NELL1: variants seen among roughly 807,000 people sequenced by gnomAD.
NELL1 encodes the protein neural EGFL like 1.
In NELL1, 76 loss-of-function variants were observed where a neutral mutation model predicts 107.4. The ratio of observed to expected loss-of-function variants is 0.71; its 90% confidence interval spans 0.59 to 0.86. The LOEUF (loss-of-function observed/expected upper bound fraction) is 0.86, where lower values mean the gene tolerates loss of function less well. Among genes scored for constraint, NELL1 ranks in the 40% least tolerant of loss-of-function variants. NELL1 has a pLI of 0.00. For synonymous variants in NELL1, 353 were observed against 341.2 expected, an observed-to-expected ratio of 1.03 and a Z score of -0.38; for missense variants, 1,024 against 1,005.5, an observed-to-expected ratio of 1.02 and a Z score of -0.25.
At chr11:20,813,315 C>A (rs540043572) in intron 3 of NELL1, among the ~76,000 whole-genome samples, 1 of 152,106 alleles carries the variant, frequency 6.6e-6, no homozygotes, top group African/African-American at 2.4e-5. Context: ...ATCATGGAAT[C>A]CTTGGGATGT....
chr11:21,294,603 C>T (rs575595959), intron 14 of NELL1, among the ~76,000 whole-genome samples: 7 of 151,986 alleles, frequency 4.6e-5, no homozygotes, highest in South Asian at 2.1e-4. Flanking sequence ...TATTTATTTT[C>T]GTATCGACCT....
intron 15 of NELL1, among the ~76,000 whole-genome samples, chr11:21,374,592 T>A (rs1037259659): frequency 5.3e-5 from 8 of 152,056 alleles, no homozygotes; most frequent in African/African-American, 1.9e-4. Flanking sequence ...GAGAGAGGAA[T>A]GAGGCACCAC....
chr11:20,687,058 T>TC (rs1854324351), intron 2 of NELL1, among the ~76,000 whole-genome samples: 1 of 150,506 alleles, frequency 6.6e-6, no homozygotes, highest in Non-Finnish European at 1.5e-5. Context: ...TTTTTTTTTT[T>TC]CAAATTTTTA....
At chr11:20,810,417 A>T (rs1001547448) in intron 3 of NELL1, among the ~76,000 whole-genome samples, 5 of 152,114 alleles carry the variant, frequency 3.3e-5, no homozygotes, top group Non-Finnish European at 7.3e-5. Context: ...TATTATTCTT[A>T]TGCCTTTGCA....
intron 4 of NELL1, among the ~76,000 whole-genome samples, chr11:20,851,587 G>A (rs181136660): frequency 5.3e-5 from 8 of 152,206 alleles, no homozygotes; most frequent in African/African-American, 1.7e-4. Context: ...TTACTCAAAG[G>A]ACAGAATCCA....
At chr11:21,410,365 T>G (rs1276259267) in intron 15 of NELL1, among the ~76,000 whole-genome samples, 1 of 152,064 alleles carries the variant, frequency 6.6e-6, no homozygotes, top group Non-Finnish European at 1.5e-5. Flanking sequence ...CTGAGTAAAT[T>G]TCAAGTTCCA....
intron 12 of NELL1, among the ~76,000 whole-genome samples, chr11:20,969,563 G>T (rs1851453308): frequency 6.6e-6 from 1 of 152,090 alleles, no homozygotes. Context: ...CTGCCTGGGA[G>T]TTGGTCTTGG....
Position 21,566,859 on chromosome 11 carries a change from T to C in NELL1, c.1981-3905T>C, listed in dbSNP as rs79359490. On this transcript the variant is annotated intron_variant, in intron 17 of 19. Coordinates refer to ENST00000357134, the MANE Select transcript of NELL1 (RefSeq NM_006157.5). ...ATTTTCTTGACAGTTACCCTGTAAT[T>C]CAAAGGCAAAGTGAACATTGCCATT... 9.1e-3 allele frequency among the ~76,000 whole-genome samples: 1,389 copies of C among 152,002 alleles called. 25 individuals are homozygous for C. Among genetic ancestry groups the C allele is most frequent in the African/African-American group, 0.032 (1,338 of 41,518 alleles).
chr11:21,507,498 T>TA (rs1855310888), intron 15 of NELL1, among the ~76,000 whole-genome samples: 1 of 152,150 alleles, frequency 6.6e-6, no homozygotes, highest in African/African-American at 2.4e-5. Context: ...TCCAAGCCTT[T>TA]AGAAAATGGA....
chr11:21,552,813 G>T (rs1195780523), intron 16 of NELL1, among the ~76,000 whole-genome samples: 1 of 151,760 alleles, frequency 6.6e-6, no homozygotes, highest in Non-Finnish European at 1.5e-5. Flanking sequence ...TGCAGATGCT[G>T]CCCTTCTTGG....
intron 13 of NELL1, among the ~76,000 whole-genome samples, chr11:21,180,854 C>T (rs1856811847): frequency 6.7e-6 from 1 of 149,930 alleles, no homozygotes; most frequent in African/African-American, 2.5e-5. Context: ...CCATGGATTT[C>T]CTTAATATCT....
At chr11:21,182,829 T>C (rs1020482749) in intron 13 of NELL1, among the ~76,000 whole-genome samples, 1 of 151,786 alleles carries the variant, frequency 6.6e-6, no homozygotes, top group Non-Finnish European at 1.5e-5. Flanking sequence ...CCATAAACAT[T>C]GCTCTTCAAA....
At chr11:20,809,156 G>T (rs1857447621) in intron 3 of NELL1, among the ~76,000 whole-genome samples, 3 of 152,168 alleles carry the variant, frequency 2.0e-5, no homozygotes, top group Admixed American at 2.0e-4. Context: ...GGGTTTGGGT[G>T]TTGGTGAAGT....
rs553327322 is a variant in NELL1 at position 21,526,531 on chromosome 11, CCT to C, written c.1646-7842_1646-7841del. Reference sequence around the variant, plus strand: ...TATGGGGGCTCCAATCCCACATTTTCCTTTTTTACTGCCCTAGCAGAGGTTCT... The same window carrying C: ...TATGGGGGCTCCAATCCCACATTTTCTTTTTACTGCCCTAGCAGAGGTTCT... On this transcript the variant is annotated intron_variant, in intron 15 of 19. Coordinates refer to ENST00000357134, the MANE Select transcript of NELL1 (RefSeq NM_006157.5). 1.6e-3 allele frequency among the ~76,000 whole-genome samples: 239 copies of C among 152,308 alleles called. 2 individuals are homozygous for C. Among genetic ancestry groups the C allele is most frequent in the African/African-American group, 5.4e-3 (225 of 41,570 alleles).
intron 12 of NELL1, among the ~76,000 whole-genome samples, chr11:21,013,465 G>A (rs1285387999): frequency 6.6e-6 from 1 of 152,108 alleles, no homozygotes; most frequent in Admixed American, 6.6e-5. Flanking sequence ...CTATGGACAA[G>A]GCATCCAAGG....
chr11:21,487,377 G>C (rs1411037175), intron 15 of NELL1, among the ~76,000 whole-genome samples: 2 of 152,134 alleles, frequency 1.3e-5, no homozygotes, highest in African/African-American at 4.8e-5. Flanking sequence ...ATAAGTGAGG[G>C]ATAAAGTCTT....
chr11:21,516,794 C>A (rs1047286438), intron 15 of NELL1, among the ~76,000 whole-genome samples: 1 of 150,628 alleles, frequency 6.6e-6, no homozygotes. Context: ...ATATATCTAG[C>A]GATTTGGCAT....
chr11:21,201,271 TG>T (rs1466619455), intron 13 of NELL1, among the ~76,000 whole-genome samples: 2 of 152,172 alleles, frequency 1.3e-5, no homozygotes, highest in Non-Finnish European at 2.9e-5. Context: ...GACCATGAAA[TG>T]TTTTCCATTA....
intron 13 of NELL1, among the ~76,000 whole-genome samples, chr11:21,138,974 G>T (rs1855804637): frequency 1.3e-5 from 2 of 152,178 alleles, no homozygotes; most frequent in African/African-American, 4.8e-5. Flanking sequence ...GATGGAGTTT[G>T]TCATGCAATG....
Sources: gnomAD v4.1 joint callset for allele counts (sites outside exome capture counted in the v4.1 genomes callset) on GRCh38, gnomAD v4.1.1 for gene constraint, MANE v1.5 for transcripts, NCBI Gene and HGNC (gene_info 2026-07-23, HGNC 2026-07-21) for gene names.